KCNQ3: variants seen among roughly 807,000 people sequenced by gnomAD.
KCNQ3 encodes the protein potassium voltage-gated channel subfamily Q member 3.
KCNQ3 carries 30 observed loss-of-function variants against 92.5 expected under a neutral mutation model. That is an observed-to-expected ratio of 0.32 (90% CI 0.24 to 0.44). KCNQ3 has a LOEUF of 0.44. Ranked by LOEUF, KCNQ3 falls within the 20% of genes least tolerant of loss-of-function variation. The probability of loss-of-function intolerance (pLI) is 1.00; values close to 1 mark genes in which losing one functional copy is unlikely to be tolerated. For missense variants in KCNQ3, 913 were observed against 1,140.3 expected (o/e 0.80, Z 2.87); for synonymous variants, 450 against 468.8 (o/e 0.96, Z 0.52).
intron 1 of KCNQ3, among the ~76,000 whole-genome samples, chr8:132,377,137 A>C (rs904933236): frequency 1.3e-5 from 2 of 152,224 alleles, no homozygotes; most frequent in Non-Finnish European, 1.5e-5. Flanking sequence ...GACTTCCCTC[A>C]CCAACATGGG....
In KCNQ3 at chr8:132,339,629, A is replaced by G. The variant is rs113668058; in HGVS notation, c.386+140518T>C. On this transcript the variant is annotated intron_variant, in intron 1 of 14. Coordinates refer to ENST00000388996, the MANE Select transcript of KCNQ3 (RefSeq NM_004519.4). Reference sequence around the variant, plus strand: ...CCAGCTGAGGCATGAGTATTGCTTGAACCAAGGAGGCAGAGGTTGGAATGA... The same window carrying G: ...CCAGCTGAGGCATGAGTATTGCTTGGACCAAGGAGGCAGAGGTTGGAATGA... Among the ~76,000 whole-genome samples the G allele has an allele frequency of 6.6e-4, 101 of 152,234 alleles. 4 individuals carry two copies. The highest frequency in any genetic ancestry group is 2.1e-3 in the African/African-American group (87 of 41,544).
intron 1 of KCNQ3, among the ~76,000 whole-genome samples, chr8:132,443,330 C>T (rs138652176): frequency 1.3e-5 from 2 of 152,030 alleles, no homozygotes; most frequent in African/African-American, 4.8e-5. Flanking sequence ...CTAAAGGCAC[C>T]ACCAAACCAG....
At chr8:132,330,527 C>T (rs1212883544) in intron 1 of KCNQ3, among the ~76,000 whole-genome samples, 2 of 152,130 alleles carry the variant, frequency 1.3e-5, no homozygotes, top group Non-Finnish European at 2.9e-5. Flanking sequence ...TTGGGGGACT[C>T]TAGTCTGTGA....
At chr8:132,436,111 T>C (rs2130830614) in intron 1 of KCNQ3, among the ~76,000 whole-genome samples, 1 of 152,366 alleles carries the variant, frequency 6.6e-6, no homozygotes, top group East Asian at 1.9e-4. Flanking sequence ...TCATGTAATA[T>C]GCACTCTGTT....
At chr8:132,245,652 G>A (rs1815148938) in intron 1 of KCNQ3, among the ~76,000 whole-genome samples, 1 of 151,744 alleles carries the variant, frequency 6.6e-6, no homozygotes, top group Admixed American at 6.6e-5. Flanking sequence ...GATTTATAAT[G>A]TCTCTCACAC....
At chr8:132,246,973 C>CATT (rs1815201750) in intron 1 of KCNQ3, among the ~76,000 whole-genome samples, 1 of 152,138 alleles carries the variant, frequency 6.6e-6, no homozygotes, top group Non-Finnish European at 1.5e-5. Flanking sequence ...AAAGTACTTG[C>CATT]CAATAGCCAC....
At chr8:132,286,722 A>T (rs1386267354) in intron 1 of KCNQ3, among the ~76,000 whole-genome samples, 1 of 152,220 alleles carries the variant, frequency 6.6e-6, no homozygotes, top group Non-Finnish European at 1.5e-5. Flanking sequence ...GTCACTGTCA[A>T]AACTTATGTT....
At chr8:132,401,401 C>T (rs868114568) in intron 1 of KCNQ3, among the ~76,000 whole-genome samples, 19 of 147,222 alleles carry the variant, frequency 1.3e-4, no homozygotes, top group Middle Eastern at 3.6e-3. Flanking sequence ...TTTTGAGATG[C>T]AGTCTTGCTC....
chr8:132,160,739 A>G lies in KCNQ3; in HGVS notation c.1262+2729T>C, dbSNP rs543683467. 5.9e-5 allele frequency among the ~76,000 whole-genome samples: 9 copies of G among 152,298 alleles called. No homozygotes were observed. In the South Asian group the frequency reaches 1.4e-3, roughly 25 times the overall value. ...GGATTTGTTTGAGGAATAAAAGCTC[A>G]GTTGAATTCTTACAATGAGTGGGAG... On this transcript the variant is annotated intron_variant, in intron 9 of 14. Transcript: ENST00000388996.
At chr8:132,253,222 G>A (rs768550608) in intron 1 of KCNQ3, among the ~76,000 whole-genome samples, 2 of 152,156 alleles carry the variant, frequency 1.3e-5, no homozygotes, top group African/African-American at 2.4e-5. Context: ...AATGAGGTTC[G>A]TTTCCAAAAG....
chr8:132,227,177 C>T (rs1373732614), intron 1 of KCNQ3, among the ~76,000 whole-genome samples: 1 of 151,434 alleles, frequency 6.6e-6, no homozygotes. Context: ...ATTCTCCTGG[C>T]TCAGCCTCCC....
chr8:132,362,317 C>T (rs1183018441), intron 1 of KCNQ3, among the ~76,000 whole-genome samples: 1 of 152,082 alleles, frequency 6.6e-6, no homozygotes, highest in East Asian at 1.9e-4. Context: ...TTTCTAAGAA[C>T]GTCACATTTT....
chr8:132,281,135 GGATAA>G (rs775500778), intron 1 of KCNQ3, among the ~76,000 whole-genome samples: 10 of 152,140 alleles, frequency 6.6e-5, no homozygotes, highest in Non-Finnish European at 1.5e-4. Flanking sequence ...TCAGCCCTGT[GGATAA>G]GATATCATTA....
intron 1 of KCNQ3, among the ~76,000 whole-genome samples, chr8:132,221,216 T>C (rs925406788): frequency 1.3e-5 from 2 of 152,240 alleles, no homozygotes; most frequent in Non-Finnish European, 1.5e-5. Context: ...CAGTCTACCA[T>C]TGATGGACAT....
At chr8:132,214,837 C>T (rs781172125) in intron 1 of KCNQ3, among the ~76,000 whole-genome samples, 6 of 152,214 alleles carry the variant, frequency 3.9e-5, no homozygotes, top group Non-Finnish European at 7.3e-5. Flanking sequence ...GTGTTTGGCA[C>T]CTGGGGCATT....
At chr8:132,382,663 T>G (rs1819784733) in intron 1 of KCNQ3, among the ~76,000 whole-genome samples, 2 of 152,094 alleles carry the variant, frequency 1.3e-5, no homozygotes, top group Admixed American at 1.3e-4. Context: ...TGGAGACAGG[T>G]GGCCAGCTCC....
At chr8:132,424,134 C>A (rs2130814918) in intron 1 of KCNQ3, among the ~76,000 whole-genome samples, 1 of 151,066 alleles carries the variant, frequency 6.6e-6, no homozygotes, top group South Asian at 2.1e-4. Flanking sequence ...CCTCCCCCCG[C>A]CACATAGCTG....
intron 1 of KCNQ3, among the ~76,000 whole-genome samples, chr8:132,245,509 C>T (rs1195876236): frequency 6.6e-6 from 1 of 152,146 alleles, no homozygotes; most frequent in Non-Finnish European, 1.5e-5. Flanking sequence ...GATACAAATA[C>T]ATTCATTGGT....
chr8:132,479,579 T>C (rs1372014830), intron 1 of KCNQ3, among the ~76,000 whole-genome samples: 1 of 151,572 alleles, frequency 6.6e-6, no homozygotes, highest in Non-Finnish European at 1.5e-5. Flanking sequence ...CAGCACCAGG[T>C]TCTTCTCTGT....
Sources: gnomAD v4.1 joint callset for allele counts (sites outside exome capture counted in the v4.1 genomes callset) on GRCh38, gnomAD v4.1.1 for gene constraint, MANE v1.5 for transcripts, NCBI Gene and HGNC (gene_info 2026-07-23, HGNC 2026-07-21) for gene names.